HSD17B7: variants seen among roughly 807,000 people sequenced by gnomAD.
The protein encoded by HSD17B7 is hydroxysteroid 17-beta dehydrogenase 7, also known as 3-keto-steroid reductase/17-beta-hydroxysteroid dehydrogenase 7.
In HSD17B7, 17 loss-of-function variants were observed where a neutral mutation model predicts 34.1. That is an observed-to-expected ratio of 0.50 (90% CI 0.34 to 0.75). The LOEUF (loss-of-function observed/expected upper bound fraction) is 0.75, where lower values mean the gene tolerates loss of function less well. HSD17B7 is among the 30% of genes least tolerant of loss of function. The pLI is 0.01. For synonymous variants in HSD17B7, 122 were observed against 154.6 expected (o/e 0.79, Z 1.56); for missense variants, 296 against 406.6 (o/e 0.73, Z 2.34).
rs188143425 is a variant in HSD17B7 at position 162,801,528 on chromosome 1, A to G, written c.642+1591A>G. 9.1e-4 allele frequency among the ~76,000 whole-genome samples: 139 copies of G among 152,312 alleles called. 1 individual carries two copies. Among genetic ancestry groups the G allele is most frequent in the Admixed American group, 7.1e-3 (108 of 15,298 alleles). ...TGTGCATGTGTCTGTACAAATATGTACATGTGGATATACATGAGTGTGGGT... is the reference window on the plus strand; with the variant it reads ...TGTGCATGTGTCTGTACAAATATGTGCATGTGGATATACATGAGTGTGGGT... On this transcript the variant is annotated intron_variant, in intron 5 of 8. Transcript: ENST00000254521.
intron 8 of HSD17B7, among the ~76,000 whole-genome samples, chr1:162,808,151 G>T (rs551232932): frequency 1.3e-5 from 2 of 152,294 alleles, no homozygotes; most frequent in African/African-American, 4.8e-5. Context: ...TGTATAAGGT[G>T]TAAGGAAGGG....
intron 7 of HSD17B7, 51 bp from the exon 8 acceptor site, chr1:162,805,343 C>T (rs749617841): frequency 6.2e-7 from 1 of 1,600,372 alleles, no homozygotes; most frequent in Admixed American, 1.7e-5. Context: ...CCACCAGCCT[C>T]ACTCATCTTG....
At chr1:162,800,423 C>T (rs1266934592) in intron 5 of HSD17B7, 2 of 385,460 alleles carry the variant, frequency 5.2e-6, no homozygotes, top group Admixed American at 3.1e-5. Context: ...TACCATGCTG[C>T]CGCCTAGTGT....
intron 7 of HSD17B7, among the ~76,000 whole-genome samples, chr1:162,804,647 ACAAT>A (rs986360869): frequency 1.1e-4 from 16 of 152,306 alleles, no homozygotes; most frequent in African/African-American, 3.8e-4. Flanking sequence ...CGGTGACTGC[ACAAT>A]CAGTCTGTGA....
At chr1:162,792,943 C>T (rs2102228614) in intron 2 of HSD17B7, 81 bp downstream of exon 2, 6 of 1,432,152 alleles carry the variant, frequency 4.2e-6, no homozygotes, top group Non-Finnish European at 5.8e-6. Context: ...GAAAGAAAAA[C>T]CTGAAAAGAA....
Position 162,811,607 on chromosome 1 carries a change from A to T in HSD17B7, c.904-691A>T, listed in dbSNP as rs570745695. ...CTAGATAGAATCTTAAATTTCTTGC[A>T]TGTAAAAGCATTTAGGAGAGAGGCA... On this transcript the variant is annotated intron_variant, in intron 8 of 8. Transcript: ENST00000254521. 7.9e-5 allele frequency among the ~76,000 whole-genome samples: 12 copies of T among 152,338 alleles called. No homozygotes were observed. The East Asian group carries it at 2.3e-3, about 29-fold the overall frequency.
chr1:162,793,694 A>G (rs1558092008), intron 2 of HSD17B7, among the ~76,000 whole-genome samples: 1 of 152,250 alleles, frequency 6.6e-6, no homozygotes, highest in Non-Finnish European at 1.5e-5. Context: ...CTCCTTTGAC[A>G]TTTGAATTCA....
chr1:162,810,363 C>T (rs1649135118), intron 8 of HSD17B7, among the ~76,000 whole-genome samples: 1 of 152,180 alleles, frequency 6.6e-6, no homozygotes, highest in African/African-American at 2.4e-5. Context: ...GAATGCTTTA[C>T]TTCCAACTAT....
At chr1:162,809,674 C>T (rs552515133) in intron 8 of HSD17B7, among the ~76,000 whole-genome samples, 2 of 152,044 alleles carry the variant, frequency 1.3e-5, no homozygotes, top group South Asian at 4.2e-4. Context: ...GAGATTTGAC[C>T]CCTTCCTGGT....
chr1:162,812,424 C>T lies in HSD17B7; in HGVS notation c.*4C>T. ...GCTCAGTGGCTCATGCCTATAATTC[C>T]AGCACTTTGGGAGGCCAAGGCAGAA... On this transcript the variant is annotated 3_prime_UTR_variant, in exon 9 of 9. Coordinates refer to ENST00000254521, the MANE Select transcript of HSD17B7 (RefSeq NM_016371.4). 6.3e-7 allele frequency: 1 copy of T among 1,576,288 alleles called. No individual in the cohort carries two copies. The highest frequency in any genetic ancestry group is 8.6e-7 in the Non-Finnish European group (1 of 1,158,770).
intron 8 of HSD17B7, among the ~76,000 whole-genome samples, chr1:162,808,509 T>A (rs1041115431): frequency 1.3e-5 from 2 of 152,222 alleles, no homozygotes; most frequent in Admixed American, 1.3e-4. Flanking sequence ...GTGAAGAAAG[T>A]CATTGGTAGC....
At chr1:162,798,913 G>T in intron 4 of HSD17B7, 1 of 291,380 alleles carries the variant, frequency 3.4e-6, no homozygotes. Flanking sequence ...AGAATCGCTT[G>T]AACCCGGGAA....
At chr1:162,799,345 C>T (rs1648729467) in intron 4 of HSD17B7, among the ~76,000 whole-genome samples, 1 of 152,168 alleles carries the variant, frequency 6.6e-6, no homozygotes, top group Non-Finnish European at 1.5e-5. Context: ...TCGTTTTGAG[C>T]AGTTTCTTAC....
At chr1:162,799,398 C>T (rs963511631) in intron 4 of HSD17B7, 8 of 174,164 alleles carry the variant, frequency 4.6e-5, no homozygotes, top group African/African-American at 1.9e-4. Context: ...TTGTGTATTT[C>T]CTTGTTCAGT....
At chr1:162,807,157 G>A (rs376112002) in intron 8 of HSD17B7, among the ~76,000 whole-genome samples, 1 of 151,998 alleles carries the variant, frequency 6.6e-6, no homozygotes, top group Non-Finnish European at 1.5e-5. Flanking sequence ...CAGTGTGTGA[G>A]GTTCCCCTTC....
At chr1:162,800,885 A>G (rs557348052) in intron 5 of HSD17B7, among the ~76,000 whole-genome samples, 7 of 152,358 alleles carry the variant, frequency 4.6e-5, no homozygotes, top group African/African-American at 1.7e-4. Context: ...TGAATTAGAC[A>G]TAGAAATATA....
chr1:162,806,643 A>G lies in HSD17B7; in HGVS notation c.903+1151A>G, dbSNP rs1263230102. On this transcript the variant is annotated intron_variant, in intron 8 of 8. Transcript: ENST00000254521. ...GAATATTTTTTAAAGCAAATTTTACATAACCTGTAACATCCCTTTGGGGAA... is the reference window on the plus strand; with the variant it reads ...GAATATTTTTTAAAGCAAATTTTACGTAACCTGTAACATCCCTTTGGGGAA... 4.6e-5 allele frequency among the ~76,000 whole-genome samples: 7 copies of G among 152,218 alleles called. 1 individual carries two copies. The highest frequency in any genetic ancestry group is 4.1e-4 in the South Asian group (2 of 4,836).
At chr1:162,791,797 CAAAT>C (rs1156997437) in intron 1 of HSD17B7, among the ~76,000 whole-genome samples, 1 of 151,994 alleles carries the variant, frequency 6.6e-6, no homozygotes, top group African/African-American at 2.4e-5. Context: ...CATGTGAGGA[CAAAT>C]AAATATTTTT....
At chr1:162,807,146 C>G (rs1649007830) in intron 8 of HSD17B7, among the ~76,000 whole-genome samples, 1 of 152,102 alleles carries the variant, frequency 6.6e-6, no homozygotes, top group Non-Finnish European at 1.5e-5. Context: ...ACAACAGGCC[C>G]CAGTGTGTGA....
Sources: gnomAD v4.1 joint callset for allele counts (sites outside exome capture counted in the v4.1 genomes callset) on GRCh38, gnomAD v4.1.1 for gene constraint, MANE v1.5 for transcripts, NCBI Gene and HGNC (gene_info 2026-07-23, HGNC 2026-07-21) for gene names.